The following ORC5 variants were observed in gnomAD, a reference collection of about 807,000 sequenced individuals.
ORC5 encodes the protein origin recognition complex subunit 5, also known as protein phosphatase 1, regulatory subunit 117.
A neutral mutation model predicts 58.8 loss-of-function variants in ORC5; 39 were observed. The observed-to-expected ratio is 0.66, with a 90% CI of 0.51 to 0.87. ORC5 has a LOEUF of 0.87. ORC5 is among the 40% of genes least tolerant of loss of function. The pLI is 0.00. For synonymous variants in ORC5, 218 were observed against 177.6 expected (o/e 1.23, Z -1.81); for missense variants, 493 against 506.3 (o/e 0.97, Z 0.25).
At chr7:104,128,643 T>G (rs1325196190) in intron 13 of ORC5, among the ~76,000 whole-genome samples, 2 of 150,360 alleles carry the variant, frequency 1.3e-5, no homozygotes, top group Non-Finnish European at 3.0e-5. Context: ...CATTTAGCAT[T>G]AGGTATATCT....
chr7:104,146,631 G>A (rs898360626), intron 12 of ORC5, among the ~76,000 whole-genome samples: 2 of 152,186 alleles, frequency 1.3e-5, no homozygotes, highest in Non-Finnish European at 2.9e-5. Flanking sequence ...GCAATTACCA[G>A]TTAACAGGAA....
chr7:104,181,048 A>C (rs1260027040), intron 8 of ORC5, among the ~76,000 whole-genome samples: 8 of 152,242 alleles, frequency 5.3e-5, no homozygotes, highest in Non-Finnish European at 1.5e-5. Context: ...TGGACTCAAT[A>C]AAAATCTATC....
At chr7:104,190,426 T>G (rs898166126) in intron 5 of ORC5, among the ~76,000 whole-genome samples, 1 of 152,164 alleles carries the variant, frequency 6.6e-6, no homozygotes, top group African/African-American at 2.4e-5. Flanking sequence ...TACTTTGTTA[T>G]TCCCCCTTGT....
intron 3 of ORC5, 35 bp from the exon 4 acceptor site, chr7:104,197,834 G>T (rs1318470441): frequency 7.5e-7 from 1 of 1,340,664 alleles, no homozygotes; most frequent in Non-Finnish European, 1.0e-6. Context: ...AAAAAGAAAT[G>T]CATTTACAAA....
intron 8 of ORC5, 144 bp from the exon 9 acceptor site, chr7:104,168,669 T>TTTTTTTTTTTTTTTTTTTTTTTTGA: frequency 2.1e-6 from 1 of 477,396 alleles, no homozygotes; most frequent in Non-Finnish European, 3.7e-6. Flanking sequence ...TAAACATGTT[T>TTTTTTTTTTTTTTTTTTTTTTTTGA]GTACCTGTAC....
chr7:104,159,249 T>A (rs1023865161), intron 12 of ORC5, among the ~76,000 whole-genome samples: 23 of 142,528 alleles, frequency 1.6e-4, no homozygotes, highest in Non-Finnish European at 3.2e-4. Context: ...ACACCGCATG[T>A]TCTCACTCAT....
chr7:104,155,436 C>T (rs1798908441), intron 12 of ORC5, among the ~76,000 whole-genome samples: 2 of 151,406 alleles, frequency 1.3e-5, no homozygotes, highest in Non-Finnish European at 3.0e-5. Flanking sequence ...TTAAAAAGAA[C>T]TATGCTCCTT....
chr7:104,201,565 C>T (rs1160612212), intron 2 of ORC5, among the ~76,000 whole-genome samples: 7 of 150,168 alleles, frequency 4.7e-5, no homozygotes, highest in Non-Finnish European at 7.4e-5. Context: ...GTCTGTAATC[C>T]CAAGGCTTTG....
chr7:104,200,281 T>C (rs1799907338), intron 3 of ORC5, among the ~76,000 whole-genome samples: 1 of 152,212 alleles, frequency 6.6e-6, no homozygotes, highest in Non-Finnish European at 1.5e-5. Context: ...TTCTAGACCT[T>C]CCACAATCTG....
intron 13 of ORC5, among the ~76,000 whole-genome samples, chr7:104,128,668 TCCCCCCTCCCC>T (rs1798466691): frequency 1.2e-5 from 1 of 82,472 alleles, no homozygotes; most frequent in Admixed American, 1.4e-4. Context: ...ATGCTATCCC[TCCCCCCTCCCC>T]CCCACCCCAC....
chr7:104,144,519 G>T (rs1798724203), intron 12 of ORC5, among the ~76,000 whole-genome samples: 2 of 152,192 alleles, frequency 1.3e-5, no homozygotes, highest in African/African-American at 4.8e-5. Flanking sequence ...ACATTGGGAG[G>T]CCGAGGCAGG....
intron 10 of ORC5, among the ~76,000 whole-genome samples, chr7:104,166,048 A>G (rs1172076234): frequency 6.6e-6 from 1 of 152,076 alleles, no homozygotes; most frequent in Non-Finnish European, 1.5e-5. Flanking sequence ...ATAAAAAAAA[A>G]TAAAGTCCTG....
intron 8 of ORC5, among the ~76,000 whole-genome samples, chr7:104,180,714 G>A (rs1442125298): frequency 6.6e-6 from 1 of 152,074 alleles, no homozygotes; most frequent in Non-Finnish European, 1.5e-5. Context: ...ATTGCCAAAT[G>A]GTAAGTAATA....
chr7:104,175,663 G>A (rs991850190), intron 8 of ORC5, among the ~76,000 whole-genome samples: 4 of 152,188 alleles, frequency 2.6e-5, no homozygotes, highest in Admixed American at 6.5e-5. Flanking sequence ...CTTGAGCTCA[G>A]AGCAATAATA....
At chr7:104,183,920 A>T (rs769657531) in intron 8 of ORC5, 23 bp downstream of exon 8, 42 of 1,440,740 alleles carry the variant, frequency 2.9e-5, no homozygotes, top group Non-Finnish European at 3.9e-5. Flanking sequence ...AAAAACTAGT[A>T]TGCATACTAA....
rs537494137 is a variant in ORC5 at position 104,173,551 on chromosome 7, C to A, written c.825-5026G>T. 7.9e-5 allele frequency among the ~76,000 whole-genome samples: 12 copies of A among 152,328 alleles called. No individual in the cohort carries two copies. The South Asian group carries it at 2.3e-3, about 29-fold the overall frequency. ...CTGAACTTTCTGCTTCCGCAGCTCACCTTTTCTGCCCTGGTGAGCCTCCTG... is the reference window on the plus strand; with the variant it reads ...CTGAACTTTCTGCTTCCGCAGCTCAACTTTTCTGCCCTGGTGAGCCTCCTG... On this transcript the variant is annotated intron_variant, in intron 8 of 13. Coordinates refer to ENST00000297431, the MANE Select transcript of ORC5 (RefSeq NM_002553.4).
chr7:104,176,416 G>A (rs1192993628), intron 8 of ORC5, among the ~76,000 whole-genome samples: 1 of 152,074 alleles, frequency 6.6e-6, no homozygotes, highest in Non-Finnish European at 1.5e-5. Flanking sequence ...AATATTTTGC[G>A]GTAAAATACT....
chr7:104,172,757 G>A (rs187267984), intron 8 of ORC5, among the ~76,000 whole-genome samples: 3 of 152,208 alleles, frequency 2.0e-5, no homozygotes, highest in African/African-American at 2.4e-5. Flanking sequence ...GTTCACATAC[G>A]GCAGACAATG....
At chr7:104,130,022 C>A (rs948500626) in intron 13 of ORC5, among the ~76,000 whole-genome samples, 6 of 149,248 alleles carry the variant, frequency 4.0e-5, no homozygotes, top group African/African-American at 1.5e-4. Flanking sequence ...ATTTTGTTTC[C>A]TTTTACTTTT....
Sources: gnomAD v4.1 joint callset for allele counts (sites outside exome capture counted in the v4.1 genomes callset) on GRCh38, gnomAD v4.1.1 for gene constraint, MANE v1.5 for transcripts, NCBI Gene and HGNC (gene_info 2026-07-23, HGNC 2026-07-21) for gene names.